TBXAS1: variants seen among roughly 807,000 people sequenced by gnomAD.
The protein encoded by TBXAS1 is thromboxane-A synthase.
TBXAS1 carries 48 observed loss-of-function variants against 60.7 expected under a neutral mutation model. The observed-to-expected ratio is 0.79, with a 90% CI of 0.63 to 1.01. The LOEUF is 1.01. TBXAS1 is among the 50% of genes least tolerant of loss of function. TBXAS1 has a pLI of 0.00. For missense variants in TBXAS1, 685 were observed against 686.3 expected (o/e 1.00, Z 0.02); for synonymous variants, 287 against 269.7 (o/e 1.06, Z -0.63).
chr7:139,855,657 C>T (rs542567550), intron 1 of TBXAS1, among the ~76,000 whole-genome samples: 1 of 152,114 alleles, frequency 6.6e-6, no homozygotes, highest in Non-Finnish European at 1.5e-5. Context: ...GAGGTTTTGT[C>T]GTCCCAGAAG....
chr7:139,784,008 T>A (rs1797087809), intron 3 of TBXAS1, among the ~76,000 whole-genome samples: 1 of 107,442 alleles, frequency 9.3e-6, no homozygotes, highest in South Asian at 4.0e-4. Flanking sequence ...TTTAGTTTTT[T>A]TTGTTTTTTT....
intron 4 of TBXAS1, among the ~76,000 whole-genome samples, chr7:139,823,345 C>A (rs1274353455): frequency 1.3e-5 from 2 of 151,844 alleles, no homozygotes; most frequent in African/African-American, 4.8e-5. Flanking sequence ...TGCCAGGTCC[C>A]CAGTGATTAT....
At chr7:139,844,722 G>T (rs1408750496) in intron 1 of TBXAS1, among the ~76,000 whole-genome samples, 6 of 152,200 alleles carry the variant, frequency 3.9e-5, no homozygotes, top group Non-Finnish European at 1.5e-5. Flanking sequence ...TACATTTAAG[G>T]ATTTTAACTC....
chr7:139,878,397 T>C (rs900956360), intron 3 of TBXAS1, among the ~76,000 whole-genome samples: 7 of 152,226 alleles, frequency 4.6e-5, no homozygotes, highest in South Asian at 2.1e-4. Flanking sequence ...AATGAGGTTA[T>C]AGAGATCAAG....
chr7:139,892,201 C>T (rs1803673287), intron 3 of TBXAS1, among the ~76,000 whole-genome samples: 1 of 152,178 alleles, frequency 6.6e-6, no homozygotes, highest in African/African-American at 2.4e-5. Flanking sequence ...CCAGAAAGAG[C>T]ACTGGATTAG....
chr7:139,868,652 A>ATT lies in TBXAS1; in HGVS notation c.90-3562_90-3561dup, dbSNP rs71170918. Among the ~76,000 whole-genome samples, 141 of 104,978 alleles carry ATT rather than the reference A, an allele frequency of 1.3e-3. 1 individual carries two copies. Among genetic ancestry groups the ATT allele is most frequent in the Non-Finnish European group, 1.2e-3 (63 of 51,318 alleles). The allele number at this position is 104,978 out of a possible 152,430, so 68.9% of individuals were successfully genotyped here. A position where few individuals can be genotyped will look rare whatever the true frequency, so the allele number is the denominator to read the frequency against. On this transcript the variant is annotated intron_variant, in intron 1 of 12. Transcript: ENST00000448866. The stretch of plus-strand genomic sequence containing the variant: ...GTGTGTGCCACCACACCTGGCTAAT[A>ATT]TTTTTTTTTTTTTTTTTTTTTTGAG...
At chr7:139,790,409 A>G (rs936668968) in intron 4 of TBXAS1, among the ~76,000 whole-genome samples, 1 of 152,188 alleles carries the variant, frequency 6.6e-6, no homozygotes, top group Admixed American at 6.5e-5. Context: ...CACTTTCCCA[A>G]CTGTTGTCTA....
At chr7:139,864,981 G>GA (rs888648718) in intron 1 of TBXAS1, among the ~76,000 whole-genome samples, 5 of 151,866 alleles carry the variant, frequency 3.3e-5, no homozygotes, top group Admixed American at 6.6e-5. Context: ...TTATTGCTTG[G>GA]AAAAAAAATA....
intron 1 of TBXAS1, among the ~76,000 whole-genome samples, chr7:139,854,454 A>G (rs1349383846): frequency 2.0e-5 from 3 of 152,294 alleles, no homozygotes; most frequent in Non-Finnish European, 2.9e-5. Context: ...GGGCTGCAAC[A>G]TGATGAGATT....
At chr7:139,827,997 T>G (rs959876962), upstream of TBXAS1, among the ~76,000 whole-genome samples, 1 of 152,242 alleles carries the variant, frequency 6.6e-6, no homozygotes, top group African/African-American at 2.4e-5. Context: ...CCATGTGTTC[T>G]TTGTACTTCT....
intron 4 of TBXAS1, among the ~76,000 whole-genome samples, chr7:139,796,348 G>A (rs967761507): frequency 3.3e-5 from 5 of 152,194 alleles, no homozygotes; most frequent in Non-Finnish European, 5.9e-5. Flanking sequence ...ACATGGAGGG[G>A]CCTTAAATGC....
intron 1 of TBXAS1, among the ~76,000 whole-genome samples, chr7:139,840,130 A>G (rs1171693369): frequency 6.6e-6 from 1 of 152,182 alleles, no homozygotes; most frequent in Non-Finnish European, 1.5e-5. Context: ...TAAGTTTACC[A>G]CTATGCCTGG....
intron 4 of TBXAS1, among the ~76,000 whole-genome samples, chr7:139,927,466 A>G (rs1302310636): frequency 6.6e-6 from 1 of 152,162 alleles, no homozygotes; most frequent in Non-Finnish European, 1.5e-5. Flanking sequence ...TTTCTTGTTT[A>G]TATCTTATTG....
chr7:139,928,924 G>A (rs543990285), intron 4 of TBXAS1, among the ~76,000 whole-genome samples: 3 of 152,326 alleles, frequency 2.0e-5, no homozygotes, highest in East Asian at 1.9e-4. Flanking sequence ...CTTCCCTTAG[G>A]AGATGTTCTC....
chr7:139,826,480 G>A (rs1440519395), upstream of TBXAS1, among the ~76,000 whole-genome samples: 1 of 152,152 alleles, frequency 6.6e-6, no homozygotes, highest in African/African-American at 2.4e-5. Flanking sequence ...ATGGTCAGAA[G>A]GAAAGGAAGG....
chr7:140,007,066 C>T, intron 9 of TBXAS1, 25 bp from the exon 10 acceptor site: 1 of 1,605,936 alleles, frequency 6.2e-7, no homozygotes. Context: ...ACGAACTTCT[C>T]CCTTTGTCAC....
At chr7:139,849,795 G>T (rs150928513) in intron 1 of TBXAS1, among the ~76,000 whole-genome samples, 39 of 152,346 alleles carry the variant, frequency 2.6e-4, no homozygotes, top group Non-Finnish European at 4.1e-4. Flanking sequence ...TGCAGAAAGC[G>T]CAGCTTGTTC....
chr7:139,833,594 C>T (rs749068994), intron 1 of TBXAS1, among the ~76,000 whole-genome samples: 42 of 148,410 alleles, frequency 2.8e-4, no homozygotes, highest in Non-Finnish European at 4.9e-4. Flanking sequence ...CTGAGGCAGG[C>T]GAATCACTTA....
chr7:139,912,340 G>T (rs748398361), intron 4 of TBXAS1, among the ~76,000 whole-genome samples: 3 of 152,112 alleles, frequency 2.0e-5, no homozygotes, highest in Non-Finnish European at 4.4e-5. Flanking sequence ...AGGCATTCTA[G>T]CAGAGAAGAC....
Sources: allele counts gnomAD v4.1 joint callset (sites outside exome capture counted in the v4.1 genomes callset), GRCh38; gene constraint gnomAD v4.1.1; transcripts MANE v1.5; gene names NCBI Gene and HGNC (gene_info 2026-07-23, HGNC 2026-07-21).